The following PSME3IP1 variants were observed in gnomAD, a reference collection of about 807,000 sequenced individuals.
PSME3IP1 encodes the protein PSME3-interacting protein.
In PSME3IP1, 13 loss-of-function variants were observed where a neutral mutation model predicts 34.1. The ratio of observed to expected loss-of-function variants is 0.38; its 90% confidence interval spans 0.25 to 0.61. The LOEUF (loss-of-function observed/expected upper bound fraction) is 0.61. Ranked by LOEUF, PSME3IP1 falls within the 20% of genes least tolerant of loss-of-function variation. The probability of loss-of-function intolerance (pLI) is 0.60; values close to 1 mark genes in which losing one functional copy is unlikely to be tolerated. For synonymous variants in PSME3IP1, 93 were observed against 114.3 expected (o/e 0.81, Z 1.19); for missense variants, 237 against 301.4 (o/e 0.79, Z 1.58).
At position 57,186,037 on chromosome 16, in the gene PSME3IP1, A is replaced by T. The variant is rs560966516; in HGVS notation, c.-232T>A. ...AGGGCTTCCTGTTCCTCACCGCCAC[A>T]ATAGAGTCCCGCCCCACTTCCGGCG... On this transcript the variant is annotated 5_prime_UTR_variant, in exon 1 of 7. Transcript: ENST00000309137. 21 of 984,952 alleles carry T rather than the reference A, an allele frequency of 2.1e-5. No individual in the cohort carries two copies. The highest frequency in any genetic ancestry group is 6.2e-5 in the Admixed American group (1 of 16,240). 61.0% of individuals were successfully genotyped at this position (984,952 alleles called of 1,614,324 possible).
Position 57,173,827 on chromosome 16 carries a change from T to A in PSME3IP1, c.28A>T (p.Ile10Phe). 1 of 1,613,926 alleles carries A rather than the reference T, an allele frequency of 6.2e-7. No individual in the cohort carries two copies. Among genetic ancestry groups the A allele is most frequent in the Non-Finnish European group, 8.5e-7 (1 of 1,179,962 alleles). ...TCAGACACAAACCTCTTTTTGATAA[T>A]AAGGTTACCATCATCCCCTCCATCC... MDGGDDGNLIIKKRFVSEAE... is the reference protein window; with the variant it reads MDGGDDGNLFIKKRFVSEAE... Residue 10 changes from isoleucine to phenylalanine, a missense_variant, in exon 2 of 7, where the codon ATT (isoleucine) becomes TTT (phenylalanine). Physicochemically the swap from Ile to Phe is conservative, Grantham distance 21 (BLOSUM62 0). Coordinates refer to ENST00000309137, the MANE Select transcript of PSME3IP1 (RefSeq NM_024946.4).
At chr16:57,161,925 A>G (rs1225013237) in intron 6 of PSME3IP1, among the ~76,000 whole-genome samples, 1 of 152,142 alleles carries the variant, frequency 6.6e-6, no homozygotes, top group Non-Finnish European at 1.5e-5. Context: ...TATTTTTGAG[A>G]CAGAGTCTCG....
intron 1 of PSME3IP1, among the ~76,000 whole-genome samples, chr16:57,181,051 GA>G (rs201112942): frequency 0.029 from 4,397 of 151,340 alleles, 234 homozygotes; most frequent in African/African-American, 0.099. Flanking sequence ...TGGCGAGGGG[GA>G]AAAAAAAGAA....
At chr16:57,158,810 C>CT (rs1357049836) in intron 6 of PSME3IP1, among the ~76,000 whole-genome samples, 2 of 152,184 alleles carry the variant, frequency 1.3e-5, no homozygotes, top group African/African-American at 4.8e-5. Context: ...GTATAGCCTA[C>CT]TACACATGTA....
At chr16:57,168,494 C>G (rs1366150638) in intron 4 of PSME3IP1, among the ~76,000 whole-genome samples, 1 of 66,782 alleles carries the variant, frequency 1.5e-5, no homozygotes. Context: ...TGTTAATACT[C>G]ATTTTTATTT....
chr16:57,154,254 C>G lies in PSME3IP1; in HGVS notation c.*36G>C. The G allele has an allele frequency of 6.3e-7, 1 of 1,599,508 alleles. No individual in the cohort carries two copies. Among genetic ancestry groups the G allele is most frequent in the Non-Finnish European group, 8.6e-7 (1 of 1,167,652 alleles). On this transcript the variant is annotated 3_prime_UTR_variant, in exon 7 of 7. Transcript: ENST00000309137. The surrounding 1 kb of genome is among the most constrained non-coding windows in gnomAD (Gnocchi z 4.0). ...AGGCAGCATGAACGGTCCGATCTACCCTTGGGGAGGAGCTCCCTGTGTAGG... is the reference window on the plus strand; with the variant it reads ...AGGCAGCATGAACGGTCCGATCTACGCTTGGGGAGGAGCTCCCTGTGTAGG...
At chr16:57,159,585 CA>C (rs1367397075) in intron 6 of PSME3IP1, among the ~76,000 whole-genome samples, 3 of 152,110 alleles carry the variant, frequency 2.0e-5, no homozygotes, top group African/African-American at 7.2e-5. Context: ...CTGCTAAGGA[CA>C]GGGCTGAAGC....
chr16:57,166,276 A>T (rs2071859301), intron 5 of PSME3IP1, among the ~76,000 whole-genome samples: 1 of 152,370 alleles, frequency 6.6e-6, no homozygotes, highest in Admixed American at 6.5e-5. Flanking sequence ...GTCAAATCTA[A>T]ATGACCAGAT....
At chr16:57,175,170 AC>A (rs1431336325) in intron 1 of PSME3IP1, among the ~76,000 whole-genome samples, 9 of 152,038 alleles carry the variant, frequency 5.9e-5, no homozygotes, top group African/African-American at 2.2e-4. Flanking sequence ...GTGTGCCAAC[AC>A]GCCCAGCTAA....
At chr16:57,168,229 A>G (rs2145710898) in intron 4 of PSME3IP1, among the ~76,000 whole-genome samples, 1 of 152,296 alleles carries the variant, frequency 6.6e-6, no homozygotes, top group East Asian at 1.9e-4. Context: ...TATCAGCCCA[A>G]AAAGGTGGGT....
At chr16:57,168,521 G>A (rs561218101) in intron 4 of PSME3IP1, among the ~76,000 whole-genome samples, 48 of 151,976 alleles carry the variant, frequency 3.2e-4, no homozygotes, top group African/African-American at 1.2e-3. Flanking sequence ...AAATAGATTG[G>A]CCAGGCACAG....
chr16:57,179,119 A>C (rs2073461645), intron 1 of PSME3IP1, among the ~76,000 whole-genome samples: 1 of 152,226 alleles, frequency 6.6e-6, no homozygotes, highest in South Asian at 2.1e-4. Flanking sequence ...CTTTGTCCTT[A>C]CTGTGTTCCA....
At chr16:57,161,799 C>A (rs1388791886) in intron 6 of PSME3IP1, among the ~76,000 whole-genome samples, 3 of 152,122 alleles carry the variant, frequency 2.0e-5, no homozygotes, top group Non-Finnish European at 4.4e-5. Flanking sequence ...GTGGGAGTCA[C>A]CGCGCCCGGC....
chr16:57,173,197 A>C (rs1413443090), intron 2 of PSME3IP1, among the ~76,000 whole-genome samples: 1 of 152,178 alleles, frequency 6.6e-6, no homozygotes, highest in Non-Finnish European at 1.5e-5. Flanking sequence ...GTATAGATGG[A>C]GGAGAGGAGC....
chr16:57,177,687 A>C (rs2073320119), intron 1 of PSME3IP1, among the ~76,000 whole-genome samples: 1 of 152,216 alleles, frequency 6.6e-6, no homozygotes, highest in Non-Finnish European at 1.5e-5. Context: ...AAACTAATGC[A>C]CACTTACAAA....
intron 1 of PSME3IP1, among the ~76,000 whole-genome samples, chr16:57,177,338 C>A (rs1334363293): frequency 6.7e-6 from 1 of 150,304 alleles, no homozygotes; most frequent in Non-Finnish European, 1.5e-5. Flanking sequence ...TGCACCACTA[C>A]ACCTGGCTAA....
chr16:57,178,304 T>C (rs2073382738), intron 1 of PSME3IP1, among the ~76,000 whole-genome samples: 1 of 152,210 alleles, frequency 6.6e-6, no homozygotes, highest in Non-Finnish European at 1.5e-5. Context: ...ATCTCCTTTA[T>C]GAAGCTTTCC....
At chr16:57,165,472 G>A (rs568203372) in intron 5 of PSME3IP1, among the ~76,000 whole-genome samples, 1 of 152,292 alleles carries the variant, frequency 6.6e-6, no homozygotes, top group South Asian at 2.1e-4. Flanking sequence ...CTAGAAGAGA[G>A]TAAAGAATAT....
chr16:57,184,021 G>T lies in PSME3IP1; in HGVS notation c.-16+1800C>A, dbSNP rs553826327. ...AACAACTATACTTTCCATGTTTAAA[G>T]AAATAAAATTAAGCCTCAAAATAGT... On this transcript the variant is annotated intron_variant, in intron 1 of 6. Coordinates refer to ENST00000309137, the MANE Select transcript of PSME3IP1 (RefSeq NM_024946.4). Among the ~76,000 whole-genome samples the T allele has an allele frequency of 2.0e-5, 3 of 152,240 alleles. No individual in the cohort carries two copies. In the South Asian group the frequency reaches 6.2e-4, roughly 32 times the overall value.
Sources: allele counts gnomAD v4.1 joint callset (sites outside exome capture counted in the v4.1 genomes callset), GRCh38; gene constraint gnomAD v4.1.1; non-coding constraint Gnocchi (gnomAD v3.1); transcripts MANE v1.5; gene names NCBI Gene and HGNC (gene_info 2026-07-23, HGNC 2026-07-21).